Variants in SGCZ observed in about 807,000 individuals in gnomAD.
SGCZ encodes zeta-sarcoglycan.
Under a neutral mutation model 41.3 loss-of-function variants are expected in SGCZ, and 40 were observed. The observed-to-expected ratio is 0.97, with a 90% CI of 0.75 to 1.26. SGCZ has a LOEUF of 1.26. Ranked by LOEUF, SGCZ falls within the 50% of genes most tolerant of loss-of-function variation. The pLI is 0.00. For missense variants in SGCZ, 552 were observed against 369.8 expected (o/e 1.49, Z -4.04); for synonymous variants, 206 against 137.5 (o/e 1.50, Z -3.49).
chr8:14,346,643 AG>A (rs1199318982), intron 2 of SGCZ, among the ~76,000 whole-genome samples: 12 of 152,228 alleles, frequency 7.9e-5, no homozygotes, highest in African/African-American at 2.9e-4. Flanking sequence ...TCACATGGAA[AG>A]TTTTACAATA....
chr8:14,455,487 C>G (rs867645311), intron 2 of SGCZ, among the ~76,000 whole-genome samples: 3 of 144,006 alleles, frequency 2.1e-5, no homozygotes, highest in Non-Finnish European at 4.4e-5. Context: ...CACACACACA[C>G]ACACGCATAT....
intron 1 of SGCZ, among the ~76,000 whole-genome samples, chr8:14,742,737 C>T (rs2244469): frequency 0.45 from 68,064 of 151,786 alleles, 16,063 homozygotes; most frequent in Non-Finnish European, 0.53. Flanking sequence ...ATACAAAACA[C>T]TACTTAGCCA....
At chr8:14,240,240 A>C (rs1311199919) in intron 3 of SGCZ, among the ~76,000 whole-genome samples, 1 of 150,484 alleles carries the variant, frequency 6.6e-6, no homozygotes, top group Non-Finnish European at 1.5e-5. Flanking sequence ...AGGCAGGAGA[A>C]TCACTTGAAG....
At chr8:14,901,558 T>C (rs945390174) in intron 1 of SGCZ, among the ~76,000 whole-genome samples, 29 of 152,292 alleles carry the variant, frequency 1.9e-4, no homozygotes, top group African/African-American at 7.0e-4. Flanking sequence ...GCTGTATCTG[T>C]AAAATGTGTG....
intron 1 of SGCZ, among the ~76,000 whole-genome samples, chr8:14,834,276 G>T (rs191724069): frequency 1.3e-5 from 2 of 152,228 alleles, no homozygotes; most frequent in Non-Finnish European, 1.5e-5. Flanking sequence ...AAATCTTTTA[G>T]AATTTTGAGC....
chr8:14,633,239 T>C (rs1269690041), intron 1 of SGCZ, among the ~76,000 whole-genome samples: 1 of 152,004 alleles, frequency 6.6e-6, no homozygotes, highest in African/African-American at 2.4e-5. Context: ...TTATTCTGTA[T>C]ATAGACAGCA....
At chr8:15,127,473 C>T (rs1335952817) in intron 1 of SGCZ, among the ~76,000 whole-genome samples, 4 of 152,094 alleles carry the variant, frequency 2.6e-5, no homozygotes, top group Non-Finnish European at 4.4e-5. Flanking sequence ...GGTATTGCAA[C>T]ATTTAAATTC....
chr8:14,857,246 G>T (rs987336719), intron 1 of SGCZ, among the ~76,000 whole-genome samples: 13 of 152,136 alleles, frequency 8.5e-5, no homozygotes, highest in Non-Finnish European at 1.5e-4. Context: ...CTGGCATCAT[G>T]CTTCCTGCAC....
At chr8:14,400,671 G>A (rs1799045075) in intron 2 of SGCZ, among the ~76,000 whole-genome samples, 1 of 152,076 alleles carries the variant, frequency 6.6e-6, no homozygotes, top group African/African-American at 2.4e-5. Flanking sequence ...AATATTTTAT[G>A]ATCGTACTAT....
At chr8:14,693,519 G>A (rs1808865848) in intron 1 of SGCZ, among the ~76,000 whole-genome samples, 1 of 148,578 alleles carries the variant, frequency 6.7e-6, no homozygotes, top group South Asian at 2.1e-4. Flanking sequence ...CTCAAACTCA[G>A]GTGATCCACT....
intron 4 of SGCZ, among the ~76,000 whole-genome samples, chr8:14,203,028 A>G (rs1192455631): frequency 6.6e-6 from 1 of 152,064 alleles, no homozygotes; most frequent in African/African-American, 2.4e-5. Flanking sequence ...TTCCCTGTAC[A>G]AGCTCTCTTT....
At chr8:14,984,630 A>G (rs187054011) in intron 1 of SGCZ, among the ~76,000 whole-genome samples, 1 of 152,262 alleles carries the variant, frequency 6.6e-6, no homozygotes, top group Admixed American at 6.5e-5. Context: ...AACTTTGGTC[A>G]TTCGATCCAA....
intron 1 of SGCZ, among the ~76,000 whole-genome samples, chr8:15,108,442 G>A (rs909901604): frequency 2.0e-5 from 3 of 152,172 alleles, no homozygotes; most frequent in African/African-American, 7.2e-5. Flanking sequence ...GAATTGGAAA[G>A]CTCTGTTAAT....
intron 5 of SGCZ, among the ~76,000 whole-genome samples, chr8:14,129,851 C>A (rs1224860623): frequency 6.6e-6 from 1 of 152,084 alleles, no homozygotes. Context: ...ACAGAAGTAA[C>A]TGGAAACACA....
At chr8:15,104,203 C>T (rs2131087037) in intron 1 of SGCZ, among the ~76,000 whole-genome samples, 1 of 152,252 alleles carries the variant, frequency 6.6e-6, no homozygotes, top group East Asian at 1.9e-4. Context: ...AGGTCATCCT[C>T]AAAACAATCC....
At chr8:14,312,378 T>C (rs1487555266) in intron 3 of SGCZ, among the ~76,000 whole-genome samples, 3 of 152,176 alleles carry the variant, frequency 2.0e-5, no homozygotes, top group Non-Finnish European at 2.9e-5. Context: ...GAGGATTCTA[T>C]ATAGCAGTAG....
chr8:14,190,203 G>A (rs1314198301), intron 4 of SGCZ, among the ~76,000 whole-genome samples: 5 of 151,556 alleles, frequency 3.3e-5, no homozygotes, highest in East Asian at 2.0e-4. Context: ...TAGTAGAGAC[G>A]GGGTTTCACC....
intron 1 of SGCZ, among the ~76,000 whole-genome samples, chr8:14,600,882 C>A (rs35277779): frequency 1.3e-5 from 2 of 150,968 alleles, no homozygotes; most frequent in Non-Finnish European, 3.0e-5. Flanking sequence ...TAAAATAGAC[C>A]TCAAGCCTTC....
intron 1 of SGCZ, among the ~76,000 whole-genome samples, chr8:15,050,190 T>C (rs1400011198): frequency 2.0e-5 from 3 of 152,148 alleles, no homozygotes; most frequent in African/African-American, 7.2e-5. Context: ...TTTTCTGGCT[T>C]AGACTCCTGA....
Sources: allele counts gnomAD v4.1 joint callset (sites outside exome capture counted in the v4.1 genomes callset), GRCh38; gene constraint gnomAD v4.1.1; transcripts MANE v1.5; gene names NCBI Gene and HGNC (gene_info 2026-07-23, HGNC 2026-07-21).